Variants in GRM8 observed in about 807,000 individuals in gnomAD.
GRM8 encodes the protein glutamate metabotropic receptor 8, also known as metabotropic glutamate receptor 8.
Under a neutral mutation model 87.2 loss-of-function variants are expected in GRM8, and 47 were observed. That is an observed-to-expected ratio of 0.54 (90% confidence interval 0.43 to 0.69). The LOEUF (loss-of-function observed/expected upper bound fraction) is 0.69. Among genes scored for constraint, GRM8 ranks in the 30% least tolerant of loss-of-function variants. GRM8 has a pLI of 0.00. For missense variants in GRM8, 1,019 were observed against 1,139.2 expected (o/e 0.89, Z 1.52); for synonymous variants, 396 against 404.5 (o/e 0.98, Z 0.25).
chr7:127,235,602 G>T (rs1797940430), intron 2 of GRM8, among the ~76,000 whole-genome samples: 1 of 152,132 alleles, frequency 6.6e-6, no homozygotes, highest in Non-Finnish European at 1.5e-5. Context: ...ATAAAGTATG[G>T]TCCATCCATA....
chr7:127,071,380 T>A (rs1821668145), intron 3 of GRM8, among the ~76,000 whole-genome samples: 1 of 152,160 alleles, frequency 6.6e-6, no homozygotes. Context: ...AAAACTGGAC[T>A]TTTTTTCTAC....
At chr7:127,198,136 A>G (rs1587254211) in intron 2 of GRM8, among the ~76,000 whole-genome samples, 2 of 152,360 alleles carry the variant, frequency 1.3e-5, no homozygotes, top group African/African-American at 4.8e-5. Context: ...ATATTTTGAT[A>G]CATGTATATA....
chr7:126,984,919 C>T (rs971946460), intron 3 of GRM8, among the ~76,000 whole-genome samples: 3 of 152,050 alleles, frequency 2.0e-5, no homozygotes, highest in Non-Finnish European at 4.4e-5. Context: ...CAGGCGGATG[C>T]ACCTTTTGGT....
intron 3 of GRM8, among the ~76,000 whole-genome samples, chr7:127,052,946 T>C (rs1294643014): frequency 6.6e-6 from 1 of 152,218 alleles, no homozygotes; most frequent in Non-Finnish European, 1.5e-5. Flanking sequence ...GCGACTGATT[T>C]TGACTAATTT....
At chr7:126,555,238 C>T (rs969441499) in intron 8 of GRM8, among the ~76,000 whole-genome samples, 2 of 152,158 alleles carry the variant, frequency 1.3e-5, no homozygotes, top group African/African-American at 2.4e-5. Context: ...TCCCATGACA[C>T]GGTACTAAGT....
chr7:127,114,723 T>A (rs551405316), intron 2 of GRM8, among the ~76,000 whole-genome samples: 1 of 152,370 alleles, frequency 6.6e-6, no homozygotes, highest in South Asian at 2.1e-4. Flanking sequence ...TGTATCTATA[T>A]CTGCCTGAAA....
At chr7:126,778,193 C>T (rs1278819499) in intron 6 of GRM8, among the ~76,000 whole-genome samples, 2 of 152,078 alleles carry the variant, frequency 1.3e-5, no homozygotes, top group East Asian at 1.9e-4. Flanking sequence ...AAATCACCTG[C>T]TATCTTCTTC....
intron 7 of GRM8, among the ~76,000 whole-genome samples, chr7:126,619,473 C>T (rs1479742603): frequency 5.3e-5 from 8 of 151,816 alleles, no homozygotes; most frequent in Admixed American, 3.3e-4. Context: ...TGTAACAAAC[C>T]TGCACGTTGT....
At chr7:126,507,105 AT>A (rs1810601083) in intron 9 of GRM8, among the ~76,000 whole-genome samples, 8 of 151,794 alleles carry the variant, frequency 5.3e-5, no homozygotes, top group African/African-American at 1.9e-4. Context: ...TCGTGGCAAT[AT>A]GCTTTCTTGT....
At chr7:126,629,055 A>C (rs1563031712) in intron 7 of GRM8, among the ~76,000 whole-genome samples, 1 of 152,214 alleles carries the variant, frequency 6.6e-6, no homozygotes, top group Non-Finnish European at 1.5e-5. Context: ...AGGTATACTA[A>C]ACAACAATTC....
chr7:126,745,425 T>C (rs1204224586), intron 7 of GRM8, among the ~76,000 whole-genome samples: 2 of 150,704 alleles, frequency 1.3e-5, no homozygotes, highest in Non-Finnish European at 3.0e-5. Context: ...TACTTGTTTC[T>C]CTTCTGTGTG....
At chr7:127,171,982 T>G (rs1051468255) in intron 2 of GRM8, among the ~76,000 whole-genome samples, 1 of 152,010 alleles carries the variant, frequency 6.6e-6, no homozygotes, top group African/African-American at 2.4e-5. Flanking sequence ...ATTCTGACAT[T>G]TAAACAGAAG....
intron 7 of GRM8, among the ~76,000 whole-genome samples, chr7:126,753,139 A>G (rs1049199899): frequency 2.0e-4 from 30 of 152,022 alleles, no homozygotes; most frequent in Admixed American, 2.6e-4. Flanking sequence ...TGAACATAGA[A>G]TTGAAAATTT....
At chr7:126,683,051 A>G (rs1179514653) in intron 7 of GRM8, among the ~76,000 whole-genome samples, 1 of 152,188 alleles carries the variant, frequency 6.6e-6, no homozygotes, top group Non-Finnish European at 1.5e-5. Context: ...TCTGTCTCAA[A>G]AAAAACAAAA....
chr7:126,591,663 G>T (rs567523226), intron 8 of GRM8, among the ~76,000 whole-genome samples: 35 of 151,682 alleles, frequency 2.3e-4, no homozygotes, highest in Non-Finnish European at 3.7e-4. Context: ...AGCAATAAAT[G>T]CTTGCATCAA....
At chr7:126,983,778 C>T (rs1409096785) in intron 3 of GRM8, among the ~76,000 whole-genome samples, 1 of 152,160 alleles carries the variant, frequency 6.6e-6, no homozygotes, top group Non-Finnish European at 1.5e-5. Flanking sequence ...CTACAAATGA[C>T]CCAGACACTT....
At chr7:126,634,524 C>T (rs1207478518) in intron 7 of GRM8, among the ~76,000 whole-genome samples, 2 of 152,038 alleles carry the variant, frequency 1.3e-5, no homozygotes, top group East Asian at 3.9e-4. Flanking sequence ...TATCTTAAAC[C>T]CCTATAGTAT....
At chr7:127,035,536 C>T (rs959033590) in intron 3 of GRM8, among the ~76,000 whole-genome samples, 7 of 152,192 alleles carry the variant, frequency 4.6e-5, no homozygotes, top group African/African-American at 1.7e-4. Flanking sequence ...CTCCACAAGG[C>T]TATTACTTGT....
intron 7 of GRM8, among the ~76,000 whole-genome samples, chr7:126,620,546 G>A (rs1322553722): frequency 1.3e-5 from 2 of 151,720 alleles, no homozygotes; most frequent in African/African-American, 4.8e-5. Context: ...TGAATATTGC[G>A]CAGGGGAAGA....
Sources: gnomAD v4.1 joint callset for allele counts (sites outside exome capture counted in the v4.1 genomes callset) on GRCh38, gnomAD v4.1.1 for gene constraint, MANE v1.5 for transcripts, NCBI Gene and HGNC (gene_info 2026-07-23, HGNC 2026-07-21) for gene names.